The following PI4KA variants were observed in gnomAD, a reference collection of about 807,000 sequenced individuals.
The protein encoded by PI4KA is phosphatidylinositol 4-kinase alpha.
A neutral mutation model predicts 271.4 loss-of-function variants in PI4KA; 122 were observed. That is an observed-to-expected ratio of 0.45 (90% CI 0.39 to 0.52). The LOEUF (loss-of-function observed/expected upper bound fraction) is 0.52, where lower values mean the gene tolerates loss of function less well. Ranked by LOEUF, PI4KA falls within the 20% of genes least tolerant of loss-of-function variation. The probability of loss-of-function intolerance (pLI) is 0.00; values close to 1 mark genes in which losing one functional copy is unlikely to be tolerated. For missense variants in PI4KA, 1,969 were observed against 2,769.1 expected (o/e 0.71, Z 6.48); for synonymous variants, 1,041 against 1,078.8 (o/e 0.96, Z 0.69).
chr22:20,811,927 G>T (rs2147654019), intron 8 of PI4KA, among the ~76,000 whole-genome samples: 1 of 150,854 alleles, frequency 6.6e-6, no homozygotes, highest in South Asian at 2.1e-4. Context: ...GGAGGAGAAT[G>T]GCGTGAACCT....
At chr22:20,777,508 G>A (rs1181187985) in intron 19 of PI4KA, among the ~76,000 whole-genome samples, 2 of 151,984 alleles carry the variant, frequency 1.3e-5, no homozygotes, top group Non-Finnish European at 2.9e-5. Flanking sequence ...CTGAGCCACC[G>A]CACCCAGCCT....
intron 19 of PI4KA, among the ~76,000 whole-genome samples, chr22:20,771,015 T>C (rs1932849148): frequency 6.6e-6 from 1 of 152,046 alleles, no homozygotes; most frequent in Non-Finnish European, 1.5e-5. Flanking sequence ...CCCCGCTTTT[T>C]TCTAACTAAA....
At chr22:20,787,012 T>A (rs4675) in intron 19 of PI4KA, 1 of 1,613,830 alleles carries the variant, frequency 6.2e-7, no homozygotes, top group Non-Finnish European at 8.5e-7. Context: ...TCTACGAGCA[T>A]CGCACCAGCT....
At chr22:20,851,122 G>T (rs2147820302) in intron 1 of PI4KA, among the ~76,000 whole-genome samples, 1 of 152,176 alleles carries the variant, frequency 6.6e-6, no homozygotes, top group East Asian at 1.9e-4. Context: ...CACTTTGCGA[G>T]GCCGAAGTGG....
chr22:20,822,069 G>A (rs974553544), intron 4 of PI4KA, among the ~76,000 whole-genome samples: 1 of 152,176 alleles, frequency 6.6e-6, no homozygotes, highest in African/African-American at 2.4e-5. Flanking sequence ...GAGCCCAGGA[G>A]GCCGAGGATA....
intron 1 of PI4KA, among the ~76,000 whole-genome samples, chr22:20,855,077 G>C (rs200232663): frequency 6.6e-6 from 1 of 151,458 alleles, no homozygotes; most frequent in Non-Finnish European, 1.5e-5. Context: ...GCTTGAACCC[G>C]GGAGGTGGAG....
intron 19 of PI4KA, among the ~76,000 whole-genome samples, chr22:20,778,572 A>G (rs1933491210): frequency 6.6e-6 from 1 of 152,184 alleles, no homozygotes; most frequent in South Asian, 2.1e-4. Context: ...AACAACCCCA[A>G]AGATTGCACA....
chr22:20,788,657 C>T (rs1306392873), intron 19 of PI4KA, among the ~76,000 whole-genome samples: 2 of 152,234 alleles, frequency 1.3e-5, no homozygotes, highest in African/African-American at 2.4e-5. Context: ...TGAATTGCCC[C>T]AAGCCATCCT....
chr22:20,721,246 G>C, intron 43 of PI4KA, 52 bp downstream of exon 43: 1 of 1,602,110 alleles, frequency 6.2e-7, no homozygotes, highest in Non-Finnish European at 8.5e-7. Flanking sequence ...GAAGGTGCTT[G>C]GCAGTGCACT....
chr22:20,758,698 C>T (rs1250190314), intron 23 of PI4KA, among the ~76,000 whole-genome samples: 5 of 152,060 alleles, frequency 3.3e-5, no homozygotes, highest in African/African-American at 1.2e-4. Context: ...CTCTTATAGC[C>T]CCAACTGGTC....
chr22:20,806,954 C>T (rs1260840694), intron 10 of PI4KA, among the ~76,000 whole-genome samples: 2 of 151,900 alleles, frequency 1.3e-5, no homozygotes, highest in East Asian at 3.9e-4. Flanking sequence ...AGGCTGGTCT[C>T]GAACTCCTGA....
chr22:20,790,651 ACT>A (rs1934567533), intron 19 of PI4KA, among the ~76,000 whole-genome samples: 1 of 151,110 alleles, frequency 6.6e-6, no homozygotes, highest in Non-Finnish European at 1.5e-5. Flanking sequence ...ACAGAGTGAG[ACT>A]CTGTCTCAAA....
At chr22:20,745,902 G>A (rs1173270646) in intron 29 of PI4KA, among the ~76,000 whole-genome samples, 3 of 151,908 alleles carry the variant, frequency 2.0e-5, no homozygotes, top group South Asian at 2.1e-4. Flanking sequence ...TGCCCAATGC[G>A]ATCTCGGCTC....
intron 22 of PI4KA, chr22:20,764,557 T>C: frequency 2.4e-6 from 1 of 418,840 alleles, no homozygotes. Context: ...CAACACTGAC[T>C]GCAACTGCTC....
rs774756131 is a variant in PI4KA, at chr22:20,744,764, C to G, written c.3364-44G>C. 4.7e-6 allele frequency: 7 copies of G among 1,493,170 alleles called. No homozygotes were observed. In the Admixed American group the frequency reaches 1.2e-4, roughly 25 times the overall value. 92.5% of individuals were successfully genotyped at this position (1,493,170 alleles called of 1,614,324 possible). On this transcript the variant is annotated intron_variant, in intron 29 of 54. Transcript: ENST00000255882. ...TATTGTAGACTATGGCAGCACTATC[C>G]TTTCCTCGTGTTTACCATGGCTAAG...
chr22:20,823,407 A>C (rs73162826), intron 4 of PI4KA, among the ~76,000 whole-genome samples: 2,911 of 152,264 alleles, frequency 0.019, 42 homozygotes, highest in Non-Finnish European at 0.027. Flanking sequence ...AAAATACATC[A>C]CTAACTGGGA....
chr22:20,778,461 G>A (rs1248658491), intron 19 of PI4KA, among the ~76,000 whole-genome samples: 4 of 152,126 alleles, frequency 2.6e-5, no homozygotes, highest in East Asian at 3.9e-4. Context: ...CCGAGATCGC[G>A]CCACTGCACT....
chr22:20,787,236 G>C (rs990268041), intron 19 of PI4KA: 21 of 672,124 alleles, frequency 3.1e-5, no homozygotes, highest in Non-Finnish European at 5.3e-5. Context: ...AGGCTTGTTG[G>C]AATCAATTCT....
intron 1 of PI4KA, among the ~76,000 whole-genome samples, chr22:20,856,028 T>C (rs1927547536): frequency 6.6e-6 from 1 of 152,166 alleles, no homozygotes; most frequent in Non-Finnish European, 1.5e-5. Flanking sequence ...ATGCCTGTAA[T>C]CCCGGCACTT....
Sources: gnomAD v4.1 joint callset for allele counts (sites outside exome capture counted in the v4.1 genomes callset) on GRCh38, gnomAD v4.1.1 for gene constraint, MANE v1.5 for transcripts, NCBI Gene and HGNC (gene_info 2026-07-23, HGNC 2026-07-21) for gene names.